KLF8: variants seen among roughly 807,000 people sequenced by gnomAD.
KLF8 encodes KLF transcription factor 8, also known as Krueppel-like factor 8.
In KLF8, 10 loss-of-function variants were observed where a neutral mutation model predicts 18.2. The ratio of observed to expected loss-of-function variants is 0.55; its 90% CI spans 0.34 to 0.93. KLF8 has a LOEUF of 0.93. Ranked by LOEUF, KLF8 falls within the 40% of genes least tolerant of loss-of-function variation. The probability of loss-of-function intolerance (pLI) is 0.02; values close to 1 mark genes in which losing one functional copy is unlikely to be tolerated. For synonymous variants in KLF8, 109 were observed against 97.3 expected (o/e 1.12, Z -0.71); for missense variants, 264 against 277.9 (o/e 0.95, Z 0.36).
chrX:56,137,712 C>T, the KLF8 span, among the ~76,000 whole-genome samples: 1 of 106,766 alleles, frequency 9.4e-6, no homozygotes, highest in Non-Finnish European at 1.9e-5. Context: ...TGTAACTAAC[C>T]TGCACAATGT....
chrX:56,163,777 A>G, the KLF8 span, among the ~76,000 whole-genome samples: 1 of 112,253 alleles, frequency 8.9e-6, no homozygotes, highest in Admixed American at 9.5e-5. Flanking sequence ...ATTTTTGTAT[A>G]TGGTATAAAT....
At chrX:56,042,023 A>C in the KLF8 span, among the ~76,000 whole-genome samples, 1 of 111,477 alleles carries the variant, frequency 9.0e-6, no homozygotes, top group South Asian at 3.8e-4. Flanking sequence ...TAGTGCTATA[A>C]ATTTCTCTCT....
intron 1 of KLF8, among the ~76,000 whole-genome samples, chrX:56,245,494 G>T (rs2066610706): frequency 8.9e-6 from 1 of 111,984 alleles, no homozygotes; most frequent in Non-Finnish European, 1.9e-5. Context: ...TGTGGTTTGT[G>T]ATGTCCTGCA....
chrX:56,138,841 A>C, the KLF8 span, among the ~76,000 whole-genome samples: 1 of 111,417 alleles, frequency 9.0e-6, no homozygotes, highest in Non-Finnish European at 1.9e-5. Context: ...AAAAAGAGAA[A>C]AAAGTGCATC....
chrX:56,193,942 T>A, the KLF8 span, among the ~76,000 whole-genome samples: 1 of 112,194 alleles, frequency 8.9e-6, no homozygotes, highest in South Asian at 3.7e-4. Context: ...AGTTTAATTA[T>A]ACATTTTAAA....
intron 2 of KLF8, among the ~76,000 whole-genome samples, chrX:56,260,373 A>G (rs1282105548): frequency 8.9e-6 from 1 of 112,245 alleles, no homozygotes; most frequent in African/African-American, 3.2e-5. Context: ...ATTAAAATAA[A>G]ATAACTTCAT....
At chrX:56,194,532 T>G in the KLF8 span, among the ~76,000 whole-genome samples, 5 of 112,086 alleles carry the variant, frequency 4.5e-5, no homozygotes, top group East Asian at 1.4e-3. Context: ...TGCTGATGCT[T>G]GAGTACATAA....
chrX:56,225,155 A>G, the KLF8 span, among the ~76,000 whole-genome samples: 1 of 111,729 alleles, frequency 9.0e-6, no homozygotes, highest in Non-Finnish European at 1.9e-5. Context: ...TGCATCAATC[A>G]TATGGGTGTA....
At chrX:56,155,309 C>A in the KLF8 span, among the ~76,000 whole-genome samples, 1 of 111,251 alleles carries the variant, frequency 9.0e-6, no homozygotes, top group African/African-American at 3.3e-5. Flanking sequence ...TTTAAAGGGA[C>A]ATGCATGAAG....
chrX:56,164,729 C>CTTTTTTTTTTTTTTTTTAATTTTT, the KLF8 span, among the ~76,000 whole-genome samples: 1 of 51,920 alleles, frequency 1.9e-5, no homozygotes, highest in African/African-American at 8.6e-5. Context: ...CTTGTTATCT[C>CTTTTTTTTTTTTTTTTTAATTTTT]TTTTTTTTTT....
chrX:56,211,678 T>TA, the KLF8 span, among the ~76,000 whole-genome samples: 1 of 111,653 alleles, frequency 9.0e-6, no homozygotes, highest in South Asian at 3.7e-4. Context: ...GGGGCTAGAG[T>TA]AAAAAACCTT....
the KLF8 span, among the ~76,000 whole-genome samples, chrX:55,939,657 G>T: frequency 9.0e-6 from 1 of 110,779 alleles, no homozygotes; most frequent in Admixed American, 9.6e-5. Flanking sequence ...AAAGAGAGAA[G>T]AACCAAATAG....
the KLF8 span, among the ~76,000 whole-genome samples, chrX:55,948,318 G>T: frequency 9.0e-6 from 1 of 111,693 alleles, no homozygotes; most frequent in African/African-American, 3.3e-5. Flanking sequence ...GTGAAGAGTT[G>T]TATGTCATAC....
At chrX:56,009,984 A>T in the KLF8 span, among the ~76,000 whole-genome samples, 1 of 112,285 alleles carries the variant, frequency 8.9e-6, no homozygotes, top group Non-Finnish European at 1.9e-5. Flanking sequence ...CCTATGACTG[A>T]TTGGGGTACC....
the KLF8 span, among the ~76,000 whole-genome samples, chrX:56,094,556 A>G: frequency 9.0e-6 from 1 of 111,087 alleles, no homozygotes; most frequent in Non-Finnish European, 1.9e-5. Flanking sequence ...CAGATCCAGC[A>G]GGTAGACAAT....
chrX:56,165,620 A>AT, the KLF8 span, among the ~76,000 whole-genome samples: 1 of 111,845 alleles, frequency 8.9e-6, no homozygotes, highest in Non-Finnish European at 1.9e-5. Flanking sequence ...TAATCCCCAT[A>AT]TTTTGGGAGG....
chrX:55,941,028 A>C, the KLF8 span, among the ~76,000 whole-genome samples: 1 of 111,804 alleles, frequency 8.9e-6, no homozygotes, highest in Non-Finnish European at 1.9e-5. Flanking sequence ...AAACTACTTT[A>C]AAGTTCATAT....
At chrX:56,264,448 A>C (rs1033004417) in intron 2 of KLF8, among the ~76,000 whole-genome samples, 14 of 110,159 alleles carry the variant, frequency 1.3e-4, no homozygotes, top group Admixed American at 2.9e-4. Flanking sequence ...TAAACTAATA[A>C]ATTTATTTAT....
chrX:56,141,171 T>A, the KLF8 span, among the ~76,000 whole-genome samples: 11 of 111,760 alleles, frequency 9.8e-5, no homozygotes, highest in African/African-American at 3.6e-4. Context: ...TTCACCATTT[T>A]GCTCAAGTTG....
Sources: allele counts gnomAD v4.1 joint callset (sites outside exome capture counted in the v4.1 genomes callset), GRCh38; gene constraint gnomAD v4.1.1; transcripts MANE v1.5; gene names NCBI Gene and HGNC (gene_info 2026-07-23, HGNC 2026-07-21).